Variants in ZCCHC7 observed in about 807,000 individuals in gnomAD.
ZCCHC7 encodes zinc finger CCHC-type containing 7, also known as zinc finger CCHC domain-containing protein 7.
A neutral mutation model predicts 52.0 loss-of-function variants in ZCCHC7; 35 were observed. That is an observed-to-expected ratio of 0.67 (90% CI 0.51 to 0.89). The LOEUF (loss-of-function observed/expected upper bound fraction) is 0.89. Ranked by LOEUF, ZCCHC7 falls within the 40% of genes least tolerant of loss-of-function variation. The probability of loss-of-function intolerance (pLI) is 0.00; values close to 1 mark genes in which losing one functional copy is unlikely to be tolerated. For missense variants in ZCCHC7, 574 were observed against 649.1 expected (o/e 0.88, Z 1.26); for synonymous variants, 217 against 221.5 (o/e 0.98, Z 0.18).
At chr9:37,341,785 G>A (rs1820654060) in intron 6 of ZCCHC7, among the ~76,000 whole-genome samples, 1 of 152,102 alleles carries the variant, frequency 6.6e-6, no homozygotes, top group Admixed American at 6.6e-5. Context: ...TTAAATCTGG[G>A]AGAAGAGTGA....
chr9:37,290,290 A>G (rs1258954208), intron 2 of ZCCHC7, among the ~76,000 whole-genome samples: 1 of 152,196 alleles, frequency 6.6e-6, no homozygotes, highest in Non-Finnish European at 1.5e-5. Flanking sequence ...TTAACCCTGA[A>G]TATACCGTCA....
At chr9:37,183,960 C>T (rs149964455) in intron 2 of ZCCHC7, among the ~76,000 whole-genome samples, 2 of 152,322 alleles carry the variant, frequency 1.3e-5, no homozygotes, top group Non-Finnish European at 2.9e-5. Context: ...ATAGCTCCTT[C>T]TATGGCCTTG....
rs1280374516 is a variant in ZCCHC7, at chr9:37,138,671, ATGTCACT to A, written c.610+11730_610+11736del. Among the ~76,000 whole-genome samples the A allele has an allele frequency of 2.6e-5, 4 of 151,854 alleles. No individual in the cohort carries two copies. In the East Asian group the frequency reaches 7.7e-4, roughly 29 times the overall value. On this transcript the variant is annotated intron_variant, in intron 2 of 8. Transcript: ENST00000336755. Reference sequence around the variant, plus strand: ...ATGACTTAGTTTAGTTGCCATTAAAATGTCACTCACCTTATCTACAGGTTTGTATTTT... The same window carrying A: ...ATGACTTAGTTTAGTTGCCATTAAAACACCTTATCTACAGGTTTGTATTTT...
intron 2 of ZCCHC7, among the ~76,000 whole-genome samples, chr9:37,273,699 ATC>A (rs1391736959): frequency 1.3e-5 from 2 of 152,186 alleles, no homozygotes; most frequent in African/African-American, 4.8e-5. Context: ...TTGCATTCAT[ATC>A]TCACTATTTA....
At chr9:37,202,465 C>G (rs2133169426) in intron 2 of ZCCHC7, among the ~76,000 whole-genome samples, 1 of 152,286 alleles carries the variant, frequency 6.6e-6, no homozygotes, top group South Asian at 2.1e-4. Context: ...AACCTTAAAT[C>G]ATGGCTATTT....
chr9:37,353,183 G>T (rs532307912), intron 7 of ZCCHC7, among the ~76,000 whole-genome samples: 1 of 152,162 alleles, frequency 6.6e-6, no homozygotes, highest in Admixed American at 6.5e-5. Context: ...AATCTGAAAA[G>T]GCAAATAACT....
At chr9:37,331,763 A>T (rs1027315693) in intron 6 of ZCCHC7, among the ~76,000 whole-genome samples, 6 of 151,598 alleles carry the variant, frequency 4.0e-5, no homozygotes, top group Non-Finnish European at 7.4e-5. Context: ...GGATTCCTAA[A>T]TATCTTTCTG....
At chr9:37,298,355 G>A (rs534543719) in intron 2 of ZCCHC7, among the ~76,000 whole-genome samples, 27 of 152,212 alleles carry the variant, frequency 1.8e-4, no homozygotes, top group African/African-American at 4.3e-4. Context: ...CATGAGATTC[G>A]GCCAGGACAT....
intron 2 of ZCCHC7, among the ~76,000 whole-genome samples, chr9:37,298,581 A>C (rs1304495061): frequency 6.6e-6 from 1 of 152,218 alleles, no homozygotes; most frequent in Non-Finnish European, 1.5e-5. Flanking sequence ...GGGGCAAAAC[A>C]AATCTATCGT....
chr9:37,184,957 C>T (rs1822571003), intron 2 of ZCCHC7, among the ~76,000 whole-genome samples: 1 of 152,096 alleles, frequency 6.6e-6, no homozygotes, highest in East Asian at 1.9e-4. Context: ...TTTTAGATTT[C>T]CTGTGGGTTT....
chr9:37,348,343 GTTCGTTCTTTCTTTCTTTCT>G (rs1415908863), intron 6 of ZCCHC7, among the ~76,000 whole-genome samples: 6 of 100,160 alleles, frequency 6.0e-5, no homozygotes, highest in African/African-American at 1.7e-4. Context: ...AGTGATACCA[GTTCGTTCTTTCTTTCTTTCT>G]TTCTTTCTTT....
At chr9:37,317,692 A>G (rs1829882012) in intron 5 of ZCCHC7, among the ~76,000 whole-genome samples, 1 of 152,240 alleles carries the variant, frequency 6.6e-6, no homozygotes, top group Non-Finnish European at 1.5e-5. Context: ...GTAGTATAAC[A>G]TTATGGGAGA....
At chr9:37,227,431 G>A (rs1033214135) in intron 2 of ZCCHC7, among the ~76,000 whole-genome samples, 1 of 152,138 alleles carries the variant, frequency 6.6e-6, no homozygotes, top group African/African-American at 2.4e-5. Context: ...ACTAGAATAG[G>A]TCATAATTGA....
At chr9:37,273,498 G>T (rs541439544) in intron 2 of ZCCHC7, among the ~76,000 whole-genome samples, 3 of 152,078 alleles carry the variant, frequency 2.0e-5, no homozygotes, top group African/African-American at 7.2e-5. Context: ...GCGAGACTCC[G>T]TCTCGAAAAG....
intron 2 of ZCCHC7, among the ~76,000 whole-genome samples, chr9:37,273,800 A>G (rs1827548619): frequency 6.6e-6 from 1 of 151,928 alleles, no homozygotes; most frequent in African/African-American, 2.4e-5. Flanking sequence ...TTGCCTGTTC[A>G]TATTTTTTGC....
intron 6 of ZCCHC7, among the ~76,000 whole-genome samples, chr9:37,348,579 C>G (rs1026617748): frequency 2.0e-5 from 3 of 152,004 alleles, no homozygotes; most frequent in African/African-American, 7.3e-5. Context: ...GAGGTTTCAC[C>G]ATGCTGGCCA....
At chr9:37,138,781 T>G (rs536879651) in intron 2 of ZCCHC7, among the ~76,000 whole-genome samples, 21 of 151,790 alleles carry the variant, frequency 1.4e-4, no homozygotes, top group Non-Finnish European at 1.5e-5. Context: ...GCTTGAATCC[T>G]GATGTCTTTT....
intron 2 of ZCCHC7, among the ~76,000 whole-genome samples, chr9:37,245,510 G>A (rs1826045562): frequency 6.6e-6 from 1 of 151,976 alleles, no homozygotes; most frequent in South Asian, 2.1e-4. Context: ...TGTGCAGAGT[G>A]GACAATGTTA....
intron 2 of ZCCHC7, among the ~76,000 whole-genome samples, chr9:37,158,917 G>A (rs1820951144): frequency 6.6e-6 from 1 of 152,164 alleles, no homozygotes; most frequent in Admixed American, 6.5e-5. Context: ...GTATGCCACA[G>A]CCACTTCCAG....
Sources: gnomAD v4.1 joint callset for allele counts (sites outside exome capture counted in the v4.1 genomes callset) on GRCh38, gnomAD v4.1.1 for gene constraint, MANE v1.5 for transcripts, NCBI Gene and HGNC (gene_info 2026-07-23, HGNC 2026-07-21) for gene names.